Variants in ZFYVE26 observed in about 807,000 individuals in gnomAD.
ZFYVE26 encodes zinc finger FYVE domain-containing protein 26.
In ZFYVE26, 181 loss-of-function variants were observed where a neutral mutation model predicts 276.5. The observed-to-expected ratio is 0.65, with a 90% confidence interval of 0.58 to 0.74. The LOEUF is 0.74. Ranked by LOEUF, ZFYVE26 falls within the 30% of genes least tolerant of loss-of-function variation. The pLI is 0.00. For synonymous variants in ZFYVE26, 1,129 were observed against 1,203.1 expected (o/e 0.94, Z 1.27); for missense variants, 2,821 against 3,097.9 (o/e 0.91, Z 2.12).
In ZFYVE26 at chr14:67,786,001, C is replaced by T; in HGVS notation, c.3161G>A (p.Gly1054Glu). Residue 1054 changes from glycine (G) to glutamate (E), a missense_variant, in exon 18 of 42, where the codon GGA (glycine) becomes GAA (glutamate). Physicochemically the swap from Gly to Glu is moderately conservative, Grantham distance 98 (BLOSUM62 -2). Transcript: ENST00000347230. ...TKSESVEEKGGGPPRCSITEL... is the reference protein window; with the variant it reads ...TKSESVEEKGEGPPRCSITEL... ...AGTGATGCTGCACCGTGGAGGGCCT[C>T]CTCCCTTTTCTTCCACACTCTCTAT... 1 of 1,614,186 alleles carries T rather than the reference C, an allele frequency of 6.2e-7. No individual in the cohort carries two copies. The highest frequency in any genetic ancestry group is 8.5e-7 in the Non-Finnish European group (1 of 1,180,042).
rs1211102900 is a variant in ZFYVE26, at chr14:67,785,910, G to A, written c.3252C>T (p.Ser1084=). The change falls in exon 18 of 42, where the codon TCC becomes TCT. Residue 1084 remains serine, a synonymous_variant. Coordinates refer to ENST00000347230, the MANE Select transcript of ZFYVE26 (RefSeq NM_015346.4). ...ACTGAAGGACCTGATCTAGCTGCTG[G>A]GAGAGGGTGGTGTGGCTGGCAACAC... ...EDCVASHTTL[S]QQLDQVLQSL... is the part of the protein sequence containing the mutation. The A allele has an allele frequency of 6.2e-7, 1 of 1,613,296 alleles. No individual in the cohort carries two copies. The highest frequency in any genetic ancestry group is 8.5e-7 in the Non-Finnish European group (1 of 1,179,516).
chr14:67,780,433 C>T, intron 22 of ZFYVE26, 88 bp from the exon 23 acceptor site: 2 of 1,172,366 alleles, frequency 1.7e-6, no homozygotes, highest in Non-Finnish European at 2.5e-6. Context: ...GATGGGCCAT[C>T]CCTAGATCTC....
At chr14:67,761,980 A>T (rs1233192480) in intron 34 of ZFYVE26, 1 of 592,912 alleles carries the variant, frequency 1.7e-6, no homozygotes, top group Non-Finnish European at 3.0e-6. Context: ...TTATCTTTTT[A>T]AAAATTGTCT....
chr14:67,752,276 C>T (rs1342500253), intron 40 of ZFYVE26, 68 bp downstream of exon 40: 1 of 1,530,658 alleles, frequency 6.5e-7, no homozygotes, highest in Non-Finnish European at 8.9e-7. Context: ...GAAAACAGAA[C>T]AATAAAGATG....
downstream of ZFYVE26, among the ~76,000 whole-genome samples, chr14:67,744,307 C>T (rs531323200): frequency 2.0e-5 from 3 of 152,264 alleles, no homozygotes; most frequent in South Asian, 2.1e-4. Context: ...TCTGTTGTGA[C>T]ATATCTTTGT....
In ZFYVE26 at chr14:67,752,496, A is replaced by G. The variant is rs763758299; in HGVS notation, c.7219T>C (p.Cys2407Arg). 1 of 1,614,188 alleles carries G rather than the reference A, an allele frequency of 6.2e-7. No homozygotes were observed. Among genetic ancestry groups the G allele is most frequent in the South Asian group, 1.1e-5 (1 of 91,080 alleles). Residue 2407 changes from cysteine (C) to arginine (R), a missense_variant, in exon 40 of 42, where the codon TGC becomes CGC. Transcript: ENST00000347230. ...DFQLDAAMTYCRAARQLVEKE... is the reference protein window; with the variant it reads ...DFQLDAAMTYRRAARQLVEKE... ...TCCACCAACTGGCGGGCAGCTCTGC[A>G]GTAGGTCATGGCAGCATCCAGCTGG...
intron 4 of ZFYVE26, among the ~76,000 whole-genome samples, chr14:67,808,462 T>C (rs2040230133): frequency 6.6e-6 from 1 of 152,158 alleles, no homozygotes; most frequent in Non-Finnish European, 1.5e-5. Context: ...TACCATATGA[T>C]TTAATACATA....
chr14:67,759,048 G>A (rs1594889073), intron 35 of ZFYVE26, among the ~76,000 whole-genome samples: 2 of 151,508 alleles, frequency 1.3e-5, no homozygotes, highest in Admixed American at 1.3e-4. Context: ...GACCATCCTG[G>A]CTAACATGGT....
At chr14:67,801,090 A>G (rs999965070) in intron 10 of ZFYVE26, among the ~76,000 whole-genome samples, 3 of 152,006 alleles carry the variant, frequency 2.0e-5, no homozygotes, top group African/African-American at 7.2e-5. Flanking sequence ...CATCTCTACT[A>G]AAATACAAAA....
chr14:67,771,360 T>C lies in ZFYVE26; in HGVS notation c.5484+687A>G, dbSNP rs949887851. 6.6e-5 allele frequency among the ~76,000 whole-genome samples: 10 copies of C among 152,372 alleles called. No homozygotes were observed. The Middle Eastern group carries it at 0.01, about 155-fold the overall frequency. ...CCATGGTGTATATGTACCACTTTTC[T>C]TTATCCAGTCTACAGTGGATGGGCA... is the stretch of plus-strand genomic sequence containing the variant. On this transcript the variant is annotated intron_variant, in intron 28 of 41. Coordinates refer to ENST00000347230, the MANE Select transcript of ZFYVE26 (RefSeq NM_015346.4).
intron 16 of ZFYVE26, 41 bp from the exon 17 acceptor site, chr14:67,786,274 A>AT: frequency 6.3e-7 from 1 of 1,587,984 alleles, no homozygotes; most frequent in Non-Finnish European, 8.6e-7. Flanking sequence ...AAAAAAAAAA[A>AT]TTGAAGTGTT....
At chr14:67,803,252 ATAAAACT>A (rs55913716) in intron 9 of ZFYVE26, among the ~76,000 whole-genome samples, 3,092 of 152,280 alleles carry the variant, frequency 0.02, 42 homozygotes, top group Non-Finnish European at 0.033. Flanking sequence ...GGGAAATAAG[ATAAAACT>A]TAAAGAAAAA....
intron 28 of ZFYVE26, among the ~76,000 whole-genome samples, chr14:67,771,487 C>T (rs139414155): frequency 1.1e-4 from 17 of 152,320 alleles, no homozygotes; most frequent in South Asian, 2.1e-4. Flanking sequence ...ACATCACCAT[C>T]GTTTTCATCA....
Position 67,789,461 on chromosome 14 carries a change from C to G in ZFYVE26, c.2893G>C (p.Glu965Gln), listed in dbSNP as rs2039752336. The change falls in exon 16 of 42, where the codon GAA becomes CAA. Residue 965 changes from glutamate to glutamine, a missense_variant. Glu to Gln is a conservative substitution (Grantham distance 29). Coordinates refer to ENST00000347230, the MANE Select transcript of ZFYVE26 (RefSeq NM_015346.4). Reference sequence around the variant, plus strand: ...GCCATGGCAGGGGGACTGAGGTCTTCCAGAACCTCTCTCAGGGGAGCAGTG... The same window carrying G: ...GCCATGGCAGGGGGACTGAGGTCTTGCAGAACCTCTCTCAGGGGAGCAGTG... Reference protein sequence around the residue: ...EPTAPLREVLEDLSPPAMAAF... With the variant: ...EPTAPLREVLQDLSPPAMAAF... 2.5e-6 allele frequency: 4 copies of G among 1,614,192 alleles called. No individual in the cohort carries two copies. The highest frequency in any genetic ancestry group is 3.4e-6 in the Non-Finnish European group (4 of 1,180,044).
Position 67,780,314 on chromosome 14 carries a change from C to T in ZFYVE26, c.4601G>A (p.Cys1534Tyr), listed in dbSNP as rs374867409. 2 of 1,613,802 alleles carry T rather than the reference C, an allele frequency of 1.2e-6. No homozygotes were observed. Among genetic ancestry groups the T allele is most frequent in the African/African-American group, 1.3e-5 (1 of 74,858 alleles). Residue 1534 changes from cysteine to tyrosine, a missense_variant, in exon 23 of 42, where the codon TGT becomes TAT. By Grantham distance (194) the Cys-to-Tyr change is radical. Transcript: ENST00000347230. ...ACAGCTCCTCAAGGTCTGCCAGTCA[C>T]ACCACACTGGGGGAGACTGCAAACC... ...ILGLQSPPVWCDWQTLRSCCV... is the reference protein window; with the variant it reads ...ILGLQSPPVWYDWQTLRSCCV...
chr14:67,775,233 T>A, intron 26 of ZFYVE26, 119 bp from the exon 27 acceptor site: 1 of 693,238 alleles, frequency 1.4e-6, no homozygotes. Context: ...ATGACTCTAC[T>A]AGGTATTAAG....
chr14:67,785,202 A>C lies in ZFYVE26; in HGVS notation c.3380T>G (p.Val1127Gly). The C allele has an allele frequency of 5.6e-6, 9 of 1,614,076 alleles. No individual in the cohort carries two copies. Among genetic ancestry groups the C allele is most frequent in the Non-Finnish European group, 7.6e-6 (9 of 1,179,970 alleles). ...CTGGAGGAGCTGAGTCTGGATCTGC[A>C]CAGGGTGGGCCTCTGCCTCTGGAGC... Reference protein sequence around the residue: ...QKAPEAEAHPVQIQTQLLQKN... With the variant: ...QKAPEAEAHPGQIQTQLLQKN... The change falls in exon 19 of 42, where the codon GTG becomes GGG. Residue 1127 changes from valine to glycine, a missense_variant. Physicochemically the swap from Val to Gly is moderately radical, Grantham distance 109. Coordinates refer to ENST00000347230, the MANE Select transcript of ZFYVE26 (RefSeq NM_015346.4).
intron 13 of ZFYVE26, among the ~76,000 whole-genome samples, chr14:67,732,331 G>A (rs1196145010): frequency 6.6e-6 from 1 of 150,960 alleles, no homozygotes; most frequent in Non-Finnish European, 1.5e-5. Context: ...CCAGCTACTC[G>A]GGAGGCTAAG....
At chr14:67,782,461 C>T (rs1020869922) in intron 21 of ZFYVE26, among the ~76,000 whole-genome samples, 1 of 152,184 alleles carries the variant, frequency 6.6e-6, no homozygotes, top group African/African-American at 2.4e-5. Flanking sequence ...CTTGCCTGAG[C>T]TCTATCCTGG....
Sources: gnomAD v4.1 joint callset for allele counts (sites outside exome capture counted in the v4.1 genomes callset) on GRCh38, gnomAD v4.1.1 for gene constraint, MANE v1.5 for transcripts, NCBI Gene and HGNC (gene_info 2026-07-23, HGNC 2026-07-21) for gene names.